The following ERI1 variants were observed in gnomAD, a reference collection of about 807,000 sequenced individuals.
ERI1 encodes the protein 3'-5' exoribonuclease 1.
ERI1 carries 39 observed loss-of-function variants against 39.7 expected under a neutral mutation model. The ratio of observed to expected loss-of-function variants is 0.98; its 90% CI spans 0.76 to 1.28. The LOEUF is 1.28. Among genes scored for constraint, ERI1 ranks in the 50% most tolerant of loss-of-function variants. The pLI is 0.00. For missense variants in ERI1, 581 were observed against 416.9 expected (o/e 1.39, Z -3.43); for synonymous variants, 204 against 149.6 (o/e 1.36, Z -2.65).
chr8:9,003,133 C>G lies in ERI1; in HGVS notation c.70C>G (p.Pro24Ala). ...TCTCGCGCTGCTGGAGTCGCCGCGGCCGGAGGGCGGGGAGGAGCCGCCGCG... is the reference window on the plus strand; with the variant it reads ...TCTCGCGCTGCTGGAGTCGCCGCGGGCGGAGGGCGGGGAGGAGCCGCCGCG... ...VALALLESPR[P>A]EGGEEPPRPS... Residue 24 changes from proline (P) to alanine (A), a missense_variant, in exon 1 of 7, where the codon CCG becomes GCG. Pro to Ala is a conservative substitution (Grantham distance 27, BLOSUM62 -1). Coordinates refer to ENST00000250263, the MANE Select transcript of ERI1 (RefSeq NM_153332.4). The G allele has an allele frequency of 8.0e-7, 1 of 1,245,346 alleles. No individual in the cohort carries two copies. The highest frequency in any genetic ancestry group is 1.0e-6 in the Non-Finnish European group (1 of 990,272). The allele number at this position is 1,245,346 out of a possible 1,614,324, so 77.1% of individuals were successfully genotyped here.
chr8:9,021,779 T>G (rs1024556966), intron 6 of ERI1, among the ~76,000 whole-genome samples: 2 of 146,696 alleles, frequency 1.4e-5, no homozygotes, highest in African/African-American at 2.5e-5. Flanking sequence ...TTTTTGTTTT[T>G]TTTTTTTTTT....
chr8:9,089,345 G>C (rs1180828049), intron 3 of ERI1, among the ~76,000 whole-genome samples: 2 of 152,164 alleles, frequency 1.3e-5, no homozygotes, highest in Non-Finnish European at 2.9e-5. Context: ...CTTCAAGTGG[G>C]CTTCCTGCCT....
intron 3 of ERI1, among the ~76,000 whole-genome samples, chr8:9,090,064 A>C (rs146096910): frequency 7.9e-5 from 12 of 152,304 alleles, no homozygotes; most frequent in African/African-American, 2.9e-4. Context: ...CCATGTTTCC[A>C]ATCTGCACGT....
chr8:9,023,350 C>T (rs1340264697), intron 6 of ERI1, among the ~76,000 whole-genome samples: 1 of 151,978 alleles, frequency 6.6e-6, no homozygotes, highest in African/African-American at 2.4e-5. Context: ...GAAGCTCGAT[C>T]CCCTTTAGGT....
intron 3 of ERI1, among the ~76,000 whole-genome samples, chr8:9,046,129 C>T (rs1422644083): frequency 6.6e-6 from 1 of 152,158 alleles, no homozygotes; most frequent in Non-Finnish European, 1.5e-5. Context: ...GATCTGGAGA[C>T]CTTGGCTGAG....
chr8:9,006,880 C>G (rs557381835), intron 1 of ERI1, among the ~76,000 whole-genome samples: 2 of 152,254 alleles, frequency 1.3e-5, no homozygotes, highest in African/African-American at 4.8e-5. Context: ...GAAATGGTTC[C>G]TGAACCATCA....
intron 6 of ERI1, among the ~76,000 whole-genome samples, chr8:9,022,455 C>T (rs575656993): frequency 6.0e-4 from 91 of 152,182 alleles, no homozygotes; most frequent in African/African-American, 2.1e-3. Context: ...GGTTGGAGTG[C>T]GGTAGTGCGA....
At chr8:9,068,091 T>C (rs1288676035) in intron 3 of ERI1, among the ~76,000 whole-genome samples, 1 of 152,238 alleles carries the variant, frequency 6.6e-6, no homozygotes, top group Non-Finnish European at 1.5e-5. Context: ...ACATATATTT[T>C]CAGAGCAACA....
intron 3 of ERI1, among the ~76,000 whole-genome samples, chr8:9,085,440 C>G (rs1799493869): frequency 6.6e-6 from 1 of 152,082 alleles, no homozygotes; most frequent in Non-Finnish European, 1.5e-5. Context: ...AACCCCTGAC[C>G]TCAAGTAATC....
At chr8:9,052,550 G>A (rs1798392403) in intron 3 of ERI1, among the ~76,000 whole-genome samples, 1 of 152,112 alleles carries the variant, frequency 6.6e-6, no homozygotes, top group South Asian at 2.1e-4. Flanking sequence ...AACGAATCAA[G>A]GAACATGCTA....
intron 6 of ERI1, among the ~76,000 whole-genome samples, chr8:9,023,516 C>T (rs969603290): frequency 2.0e-5 from 3 of 151,996 alleles, no homozygotes; most frequent in African/African-American, 7.2e-5. Flanking sequence ...AAAATGCTCC[C>T]TCCTTTTTTG....
chr8:9,026,631 T>A (rs1451497188), intron 6 of ERI1, among the ~76,000 whole-genome samples: 2 of 152,170 alleles, frequency 1.3e-5, no homozygotes, highest in African/African-American at 4.8e-5. Flanking sequence ...ATCCAAAAAT[T>A]CAATATCTGA....
chr8:9,090,125 A>G (rs772879761), intron 3 of ERI1, among the ~76,000 whole-genome samples: 12 of 152,158 alleles, frequency 7.9e-5, no homozygotes, highest in Non-Finnish European at 1.2e-4. Flanking sequence ...GCCAGTAATG[A>G]AAATCCCACC....
intron 6 of ERI1, among the ~76,000 whole-genome samples, chr8:9,022,590 G>A (rs1563328028): frequency 6.6e-6 from 1 of 152,066 alleles, no homozygotes; most frequent in Non-Finnish European, 1.5e-5. Context: ...AGTAGAGACG[G>A]GGTTTCGCCA....
At chr8:9,072,203 C>G (rs1424140853) in intron 3 of ERI1, among the ~76,000 whole-genome samples, 1 of 152,194 alleles carries the variant, frequency 6.6e-6, no homozygotes, top group Non-Finnish European at 1.5e-5. Flanking sequence ...TGATCAGTGT[C>G]CTTTGGTTTT....
At chr8:9,033,345 TTC>T (rs1797721833), downstream of ERI1, 1 of 152,198 alleles carries the variant, frequency 6.6e-6, no homozygotes, top group African/African-American at 2.4e-5. Context: ...AGAACTACCA[TTC>T]TCATTTGTTT....
chr8:9,003,949 C>G, intron 1 of ERI1: 1 of 562,934 alleles, frequency 1.8e-6, no homozygotes, highest in Non-Finnish European at 3.0e-6. Context: ...CTAGAATGAG[C>G]TTTTCAATAA....
chr8:9,040,166 C>T (rs1797970736), intron 3 of ERI1, among the ~76,000 whole-genome samples: 1 of 152,166 alleles, frequency 6.6e-6, no homozygotes, highest in South Asian at 2.1e-4. Flanking sequence ...TTGGGGCCTC[C>T]ACCAAGAGTG....
intron 3 of ERI1, among the ~76,000 whole-genome samples, chr8:9,057,310 C>T (rs1194506659): frequency 6.6e-6 from 1 of 152,114 alleles, no homozygotes; most frequent in Non-Finnish European, 1.5e-5. Context: ...GTCCCTGGCT[C>T]CTGTGTACGT....
Sources: allele counts gnomAD v4.1 joint callset (sites outside exome capture counted in the v4.1 genomes callset), GRCh38; gene constraint gnomAD v4.1.1; transcripts MANE v1.5; gene names NCBI Gene and HGNC (gene_info 2026-07-23, HGNC 2026-07-21).